ARHGAP15: variants seen among roughly 807,000 people sequenced by gnomAD.
ARHGAP15 encodes the protein rho GTPase-activating protein 15.
A neutral mutation model predicts 63.7 loss-of-function variants in ARHGAP15; 51 were observed. The ratio of observed to expected loss-of-function variants is 0.80; its 90% CI spans 0.64 to 1.01. The LOEUF (loss-of-function observed/expected upper bound fraction) is 1.01, where lower values mean the gene tolerates loss of function less well. ARHGAP15 is among the 50% of genes least tolerant of loss of function. The probability of loss-of-function intolerance (pLI) is 0.00; values close to 1 mark genes in which losing one functional copy is unlikely to be tolerated. For missense variants in ARHGAP15, 560 were observed against 564.6 expected (o/e 0.99, Z 0.08); for synonymous variants, 191 against 193.8 (o/e 0.99, Z 0.12).
At chr2:143,366,741 A>C (rs924578753) in intron 6 of ARHGAP15, among the ~76,000 whole-genome samples, 1 of 152,132 alleles carries the variant, frequency 6.6e-6, no homozygotes, top group African/African-American at 2.4e-5. Flanking sequence ...ATCACACACA[A>C]AAATCTATTG....
chr2:143,284,232 G>A (rs1481421333), intron 6 of ARHGAP15, among the ~76,000 whole-genome samples: 1 of 152,324 alleles, frequency 6.6e-6, no homozygotes, highest in East Asian at 1.9e-4. Flanking sequence ...CAGTGAGCCA[G>A]GCTCAGCTGT....
intron 6 of ARHGAP15, among the ~76,000 whole-genome samples, chr2:143,379,854 C>T (rs1325979389): frequency 2.0e-5 from 3 of 151,776 alleles, no homozygotes; most frequent in Non-Finnish European, 4.4e-5. Context: ...ATTTTAAAGA[C>T]GTTCTTACTC....
At chr2:143,421,293 G>A (rs977977074) in intron 6 of ARHGAP15, among the ~76,000 whole-genome samples, 1 of 152,126 alleles carries the variant, frequency 6.6e-6, no homozygotes, top group Non-Finnish European at 1.5e-5. Context: ...GATCACCCAG[G>A]CCTAATAGTC....
chr2:143,284,847 G>A (rs537343066), intron 6 of ARHGAP15, among the ~76,000 whole-genome samples: 1 of 152,270 alleles, frequency 6.6e-6, no homozygotes, highest in East Asian at 1.9e-4. Flanking sequence ...GGCATGAAAA[G>A]TAAATTTTCA....
intron 8 of ARHGAP15, among the ~76,000 whole-genome samples, chr2:143,460,503 A>G (rs2105157427): frequency 6.6e-6 from 1 of 152,352 alleles, no homozygotes; most frequent in East Asian, 1.9e-4. Context: ...GAATATAAAC[A>G]TCTAGAAGAC....
intron 6 of ARHGAP15, among the ~76,000 whole-genome samples, chr2:143,318,894 T>C (rs1683859444): frequency 1.3e-5 from 2 of 152,186 alleles, no homozygotes; most frequent in Admixed American, 6.5e-5. Flanking sequence ...AAATAATGAC[T>C]TTTTAAACCA....
chr2:143,558,979 C>T (rs1695918108), intron 11 of ARHGAP15, among the ~76,000 whole-genome samples: 1 of 152,144 alleles, frequency 6.6e-6, no homozygotes, highest in South Asian at 2.1e-4. Flanking sequence ...AACTTTACCT[C>T]ATTCATTTAT....
In ARHGAP15 at chr2:143,727,223, G is replaced by A. The variant is rs1308683047; in HGVS notation, c.1244+23699G>A. Among the ~76,000 whole-genome samples, 3 of 152,168 alleles carry A rather than the reference G, an allele frequency of 2.0e-5. No individual in the cohort carries two copies. The East Asian group carries it at 5.8e-4, about 29-fold the overall frequency. On this transcript the variant is annotated intron_variant, in intron 13 of 13. Transcript: ENST00000295095. ...CATTTCCACTGGGTAAAATGTCTAA[G>A]AAAGTAAAAAGAAAACATTTCTGCC...
chr2:143,547,560 T>C (rs1695383909), intron 10 of ARHGAP15, among the ~76,000 whole-genome samples: 1 of 60,548 alleles, frequency 1.7e-5, no homozygotes, highest in African/African-American at 6.3e-5. Flanking sequence ...GATAAGCATC[T>C]CCAATTATAA....
intron 6 of ARHGAP15, among the ~76,000 whole-genome samples, chr2:143,262,972 C>T (rs986179034): frequency 1.3e-5 from 2 of 152,124 alleles, no homozygotes; most frequent in Non-Finnish European, 2.9e-5. Flanking sequence ...TCCTTAGACC[C>T]ACATATTCCA....
intron 12 of ARHGAP15, among the ~76,000 whole-genome samples, chr2:143,692,622 C>T (rs1228757841): frequency 6.6e-6 from 1 of 152,082 alleles, no homozygotes; most frequent in Non-Finnish European, 1.5e-5. Flanking sequence ...TGTAGCCCTT[C>T]GTTTGATGGG....
At chr2:143,646,306 A>C (rs569089510) in intron 12 of ARHGAP15, among the ~76,000 whole-genome samples, 306 of 152,216 alleles carry the variant, frequency 2.0e-3, no homozygotes, top group African/African-American at 7.1e-3. Flanking sequence ...AAAAGAAAAA[A>C]AAAGATTGTG....
intron 9 of ARHGAP15, among the ~76,000 whole-genome samples, chr2:143,517,379 T>C (rs530064450): frequency 2.8e-4 from 43 of 152,346 alleles, no homozygotes; most frequent in African/African-American, 1.0e-3. Flanking sequence ...ACACTCGATT[T>C]TGAGTATCCC....
chr2:143,548,176 A>G (rs1160247727), intron 10 of ARHGAP15, among the ~76,000 whole-genome samples: 2 of 152,140 alleles, frequency 1.3e-5, no homozygotes, highest in African/African-American at 2.4e-5. Flanking sequence ...TATTTTTGCA[A>G]GAAAACAATC....
At chr2:143,556,580 C>A in intron 11 of ARHGAP15, 95 bp downstream of exon 11, 5 of 836,032 alleles carry the variant, frequency 6.0e-6, no homozygotes, top group South Asian at 4.8e-5. Flanking sequence ...AATAATAAAA[C>A]TTTAACAGGA....
intron 9 of ARHGAP15, among the ~76,000 whole-genome samples, chr2:143,502,291 C>A (rs566993891): frequency 8.8e-4 from 133 of 151,958 alleles, no homozygotes; most frequent in African/African-American, 3.1e-3. Flanking sequence ...TGCCTATAAT[C>A]CCAGCTACTC....
chr2:143,183,724 T>TTTC (rs1691328740), intron 2 of ARHGAP15, among the ~76,000 whole-genome samples: 1 of 146,336 alleles, frequency 6.8e-6, no homozygotes, highest in South Asian at 2.1e-4. Context: ...TTTCTTTTCT[T>TTTC]TTTTTTTTTT....
At chr2:143,241,971 G>T (rs73962382) in intron 5 of ARHGAP15, among the ~76,000 whole-genome samples, 224 of 152,246 alleles carry the variant, frequency 1.5e-3, no homozygotes, top group African/African-American at 5.3e-3. Flanking sequence ...AGCAATCTGT[G>T]GGAGGAAGGG....
chr2:143,354,033 G>GCA (rs1685697431), intron 6 of ARHGAP15, among the ~76,000 whole-genome samples: 1 of 36 alleles, frequency 0.028, no homozygotes, highest in Admixed American at 0.1. Context: ...CCCTTGCATT[G>GCA]GTGGCCTCAG....
Sources: allele counts gnomAD v4.1 joint callset (sites outside exome capture counted in the v4.1 genomes callset), GRCh38; gene constraint gnomAD v4.1.1; transcripts MANE v1.5; gene names NCBI Gene and HGNC (gene_info 2026-07-23, HGNC 2026-07-21).